Variants in TTC6 observed in about 807,000 individuals in gnomAD.
The protein encoded by TTC6 is tetratricopeptide repeat protein 6.
A neutral mutation model predicts 210.4 loss-of-function variants in TTC6; 172 were observed. The observed-to-expected ratio is 0.82, with a 90% CI of 0.72 to 0.93. The LOEUF is 0.93. Ranked by LOEUF, TTC6 falls within the 40% of genes least tolerant of loss-of-function variation. TTC6 has a pLI of 0.00. For synonymous variants in TTC6, 804 were observed against 819.6 expected, an observed-to-expected ratio of 0.98 and a Z score of 0.32; for missense variants, 2,414 against 2,318.1, an observed-to-expected ratio of 1.04 and a Z score of -0.85.
chr14:37,663,459 G>A (rs145643943), intron 1 of TTC6, among the ~76,000 whole-genome samples: 3,570 of 152,240 alleles, frequency 0.023, 74 homozygotes, highest in Non-Finnish European at 0.036. Context: ...TTACAAAAAT[G>A]TAATCAATCA....
chr14:37,726,043 T>C (rs1007282789), intron 7 of TTC6, among the ~76,000 whole-genome samples: 1 of 152,156 alleles, frequency 6.6e-6, no homozygotes, highest in African/African-American at 2.4e-5. Flanking sequence ...TTTCTTTGGT[T>C]TGTAAAAATT....
At chr14:37,687,101 A>G (rs1455180345) in intron 3 of TTC6, among the ~76,000 whole-genome samples, 1 of 152,148 alleles carries the variant, frequency 6.6e-6, no homozygotes, top group Non-Finnish European at 1.5e-5. Flanking sequence ...ATAGTCTTGC[A>G]TTGCTGACAC....
intron 1 of TTC6, among the ~76,000 whole-genome samples, chr14:37,656,543 G>A (rs1396249381): frequency 6.7e-6 from 1 of 150,170 alleles, no homozygotes; most frequent in African/African-American, 2.5e-5. Context: ...GTGTGTGTGC[G>A]TGTGTGTGTG....
At chr14:37,628,907 A>G (rs1345117599) in intron 1 of TTC6, among the ~76,000 whole-genome samples, 1 of 152,278 alleles carries the variant, frequency 6.6e-6, no homozygotes, top group Admixed American at 6.5e-5. Flanking sequence ...GTCAAAGGTC[A>G]GATGGTTGTA....
At chr14:37,671,627 A>T (rs1450977142) in intron 1 of TTC6, among the ~76,000 whole-genome samples, 15 of 152,142 alleles carry the variant, frequency 9.9e-5, no homozygotes, top group Non-Finnish European at 2.2e-4. Context: ...AACAGCAAAA[A>T]CAGTGTTTTT....
intron 1 of TTC6, among the ~76,000 whole-genome samples, chr14:37,624,546 A>G (rs1185971088): frequency 2.0e-5 from 3 of 152,220 alleles, no homozygotes; most frequent in South Asian, 2.1e-4. Context: ...ACTTAGGGAT[A>G]TATGAAGAGA....
chr14:37,729,062 T>G (rs1314543894), intron 7 of TTC6, among the ~76,000 whole-genome samples: 2 of 152,210 alleles, frequency 1.3e-5, no homozygotes, highest in Non-Finnish European at 2.9e-5. Context: ...CTTGGTTTTT[T>G]TCACTTAAAA....
intron 14 of TTC6, among the ~76,000 whole-genome samples, chr14:37,753,759 T>C (rs1209038373): frequency 2.0e-5 from 3 of 146,698 alleles, no homozygotes; most frequent in Non-Finnish European, 3.0e-5. Context: ...TTTTTTTTTT[T>C]TGTGGAAATG....
In TTC6 at chr14:37,725,595, C is replaced by T. The variant is rs769822509; in HGVS notation, c.1818+593C>T. On this transcript the variant is annotated intron_variant, in intron 7 of 30. Transcript: ENST00000553443. ...GAACTCCTGACCTCAGGTGATCCAC[C>T]CAGCTTGGTCTCCCAAAGTGCTGGG... Among the ~76,000 whole-genome samples, 162 of 151,630 alleles carry T rather than the reference C, an allele frequency of 1.1e-3. 2 individuals are homozygous for T. In the Middle Eastern group the frequency reaches 0.061, roughly 57 times the overall value.
intron 25 of TTC6, among the ~76,000 whole-genome samples, chr14:37,813,478 A>G (rs1447214646): frequency 2.0e-5 from 3 of 152,166 alleles, no homozygotes; most frequent in Admixed American, 6.6e-5. Flanking sequence ...TGCAAAGCCC[A>G]TGTTATTCTC....
chr14:37,635,510 G>A (rs557632348), intron 1 of TTC6, among the ~76,000 whole-genome samples: 3 of 152,176 alleles, frequency 2.0e-5, no homozygotes, highest in African/African-American at 7.2e-5. Context: ...AGATTGGCAG[G>A]TGGTTTAAAA....
chr14:37,602,746 G>A (rs1402082004), intron 1 of TTC6, among the ~76,000 whole-genome samples: 1 of 152,280 alleles, frequency 6.6e-6, no homozygotes, highest in East Asian at 1.9e-4. Flanking sequence ...CAGTCACCGC[G>A]GTGGGGGAGA....
chr14:37,789,454 C>A (rs889092990), intron 15 of TTC6, among the ~76,000 whole-genome samples: 1 of 151,560 alleles, frequency 6.6e-6, no homozygotes, highest in African/African-American at 2.4e-5. Context: ...AACAGTCATG[C>A]GCCACATAAT....
intron 14 of TTC6, among the ~76,000 whole-genome samples, chr14:37,758,868 T>G (rs1260596107): frequency 6.6e-6 from 1 of 152,196 alleles, no homozygotes; most frequent in Admixed American, 6.5e-5. Flanking sequence ...GGAGCTCTTG[T>G]AAGGCAGGCC....
chr14:37,778,387 G>A (rs1227154044), intron 14 of TTC6, among the ~76,000 whole-genome samples: 1 of 142,398 alleles, frequency 7.0e-6, no homozygotes, highest in African/African-American at 2.5e-5. Context: ...AGCAATGGCA[G>A]TGCAAGGCTA....
intron 1 of TTC6, among the ~76,000 whole-genome samples, chr14:37,637,128 G>A (rs868804034): frequency 1.9e-4 from 28 of 150,874 alleles, no homozygotes; most frequent in Non-Finnish European, 3.4e-4. Flanking sequence ...AAAGAAGAAC[G>A]AAAAACAAAA....
rs113186983 is a variant in TTC6, at chr14:37,824,332, G to A, written c.4974+375G>A. Among the ~76,000 whole-genome samples the A allele has an allele frequency of 4.6e-3, 703 of 152,302 alleles. 4 individuals carry two copies. Among genetic ancestry groups the A allele is most frequent in the Middle Eastern group, 0.014 (4 of 294 alleles). ...TAGCTTATATACCTAGGCCCCACAGGTTTTGTCCTGTTGCATTAGTGAAAA... is the reference window on the plus strand; with the variant it reads ...TAGCTTATATACCTAGGCCCCACAGATTTTGTCCTGTTGCATTAGTGAAAA... On this transcript the variant is annotated intron_variant, in intron 27 of 30. Transcript: ENST00000553443.
At chr14:37,840,290 G>A (rs2096207032) in intron 29 of TTC6, among the ~76,000 whole-genome samples, 1 of 152,100 alleles carries the variant, frequency 6.6e-6, no homozygotes, top group African/African-American at 2.4e-5. Flanking sequence ...ACTAAACCAG[G>A]ATGAAGTTGA....
intron 29 of TTC6, among the ~76,000 whole-genome samples, chr14:37,836,767 C>T (rs970327453): frequency 2.6e-5 from 4 of 152,156 alleles, no homozygotes; most frequent in Admixed American, 1.3e-4. Flanking sequence ...CCTCTACCCT[C>T]ATCCCCTTAT....
Sources: allele counts gnomAD v4.1 joint callset (sites outside exome capture counted in the v4.1 genomes callset), GRCh38; gene constraint gnomAD v4.1.1; transcripts MANE v1.5; gene names NCBI Gene and HGNC (gene_info 2026-07-23, HGNC 2026-07-21).